Variants in PRH1 observed in about 807,000 individuals in gnomAD.
PRH1 encodes salivary acidic proline-rich phosphoprotein 1/2.
In PRH1, 7 loss-of-function variants were observed where a neutral mutation model predicts 7.9. The observed-to-expected ratio is 0.89, with a 90% CI of 0.50 to 1.67. The LOEUF is 1.67. Among genes scored for constraint, PRH1 ranks in the 40% most tolerant of loss-of-function variants. The pLI is 0.00. For missense variants in PRH1, 109 were observed against 223.6 expected (o/e 0.49, Z 3.27); for synonymous variants, 45 against 80.8 (o/e 0.56, Z 2.38).
chr12:11,096,913 C>A (rs141797292), intron 1 of PRH1, among the ~76,000 whole-genome samples: 1 of 113,226 alleles, frequency 8.8e-6, no homozygotes, highest in East Asian at 2.1e-4. Flanking sequence ...TTCTCCTGCC[C>A]CAGCCTCCCA....
intron 1 of PRH1, among the ~76,000 whole-genome samples, chr12:11,070,096 A>G (rs1306352261): frequency 1.3e-4 from 20 of 152,176 alleles, no homozygotes; most frequent in Admixed American, 2.0e-4. Flanking sequence ...GGTGGCCATC[A>G]GCTGATGCCC....
intron 1 of PRH1, among the ~76,000 whole-genome samples, chr12:11,024,670 ATTAT>A (rs1194937733): frequency 6.6e-6 from 1 of 151,494 alleles, no homozygotes; most frequent in African/African-American, 2.4e-5. Context: ...TTTTACTGTA[ATTAT>A]TTATCCATCC....
chr12:11,042,221 C>A (rs752015638), intron 1 of PRH1, among the ~76,000 whole-genome samples: 1 of 151,544 alleles, frequency 6.6e-6, no homozygotes, highest in Non-Finnish European at 1.5e-5. Context: ...CATTGACAAA[C>A]GTTTAGGCAG....
At chr12:10,924,275 C>T (rs960377380) in intron 2 of PRH1, among the ~76,000 whole-genome samples, 2 of 152,186 alleles carry the variant, frequency 1.3e-5, no homozygotes, top group African/African-American at 2.4e-5. Context: ...GCGTGAGACA[C>T]GGAGCCCAGC....
chr12:11,094,812 G>C (rs1421937545), intron 1 of PRH1, among the ~76,000 whole-genome samples: 3 of 115,016 alleles, frequency 2.6e-5, no homozygotes, highest in African/African-American at 8.8e-5. Flanking sequence ...AAACACTCAA[G>C]TAACTATGAT....
At chr12:10,964,674 C>A (rs748044549) in intron 2 of PRH1, 5 of 607,088 alleles carry the variant, frequency 8.2e-6, no homozygotes, top group Non-Finnish European at 1.5e-5. Context: ...GTTTGCAAAG[C>A]TTTTATGTGG....
At chr12:11,059,340 G>C (rs184479658) in intron 1 of PRH1, among the ~76,000 whole-genome samples, 5 of 148,660 alleles carry the variant, frequency 3.4e-5, no homozygotes, top group East Asian at 2.0e-4. Context: ...TTTCACATTT[G>C]TTCCTGTCTC....
chr12:11,050,834 G>A (rs1464894679), upstream of PRH1, among the ~76,000 whole-genome samples: 4 of 152,254 alleles, frequency 2.6e-5, no homozygotes, highest in Non-Finnish European at 4.4e-5. Context: ...TTCCATATTG[G>A]AGTTTCTTGC....
chr12:11,171,097 A>T (rs1592142809), intron 1 of PRH1: 1 of 382,952 alleles, frequency 2.6e-6, no homozygotes, highest in East Asian at 3.7e-5. Flanking sequence ...TATATAACAC[A>T]TCCTATTCCA....
chr12:10,929,168 C>A, intron 2 of PRH1: 1 of 1,482,708 alleles, frequency 6.7e-7, no homozygotes, highest in Non-Finnish European at 9.4e-7. Flanking sequence ...AGGAGGCCCA[C>A]CTGGTAGGGA....
At chr12:10,960,819 T>C (rs1200337073) in intron 2 of PRH1, among the ~76,000 whole-genome samples, 1 of 152,210 alleles carries the variant, frequency 6.6e-6, no homozygotes, top group Non-Finnish European at 1.5e-5. Context: ...AGATGGTGTT[T>C]TTACAGGTCC....
At chr12:11,127,272 C>G (rs200395687) in intron 1 of PRH1, among the ~76,000 whole-genome samples, 1 of 151,888 alleles carries the variant, frequency 6.6e-6, no homozygotes, top group African/African-American at 2.4e-5. Context: ...GCATGCAAAT[C>G]AAGTCATACA....
intron 1 of PRH1, chr12:11,022,033 G>A: frequency 6.2e-7 from 1 of 1,613,890 alleles, no homozygotes; most frequent in East Asian, 2.2e-5. Context: ...TGCTAGAGTA[G>A]TTACAGTCAA....
At chr12:11,153,436 T>C (rs1006404582) in intron 1 of PRH1, among the ~76,000 whole-genome samples, 3 of 152,144 alleles carry the variant, frequency 2.0e-5, no homozygotes, top group African/African-American at 7.2e-5. Flanking sequence ...GTCAGGAAAT[T>C]TGCTAAAAAA....
intron 1 of PRH1, among the ~76,000 whole-genome samples, chr12:11,161,871 C>T (rs1947427350): frequency 6.6e-6 from 1 of 152,062 alleles, no homozygotes; most frequent in African/African-American, 2.4e-5. Flanking sequence ...TTTATACAGA[C>T]ATGAAACATT....
intron 1 of PRH1, among the ~76,000 whole-genome samples, chr12:11,046,379 C>T (rs567767486): frequency 6.6e-6 from 1 of 152,254 alleles, no homozygotes; most frequent in South Asian, 2.1e-4. Flanking sequence ...CCAGACAAAG[C>T]TTTGGATAGT....
intron 1 of PRH1, among the ~76,000 whole-genome samples, chr12:11,087,642 C>T (rs35672518): frequency 2.2e-3 from 229 of 102,030 alleles, no homozygotes; most frequent in East Asian, 4.4e-3. Flanking sequence ...ATATAATAAC[C>T]GCATTCCCTA....
intron 1 of PRH1, among the ~76,000 whole-genome samples, chr12:11,019,527 C>T (rs572985192): frequency 6.6e-6 from 1 of 152,380 alleles, no homozygotes; most frequent in Non-Finnish European, 1.5e-5. Context: ...TTAAAACATT[C>T]ATTTAGAAAG....
rs147486239 is a variant in PRH1, at chr12:11,121,255, C to T, written n.40-75G>A. 1.1e-4 allele frequency: 17 copies of T among 152,306 alleles called. No individual in the cohort carries two copies. The East Asian group carries it at 3.3e-3, about 29-fold the overall frequency. 9.4% of individuals were successfully genotyped at this position (152,306 alleles called of 1,614,324 possible). On this transcript the variant is annotated intron_variant and non_coding_transcript_variant, in intron 1 of 1. Transcript: ENST00000541175. ...AGCTCACTGCCCACCCCCAATAAAA[C>T]ATATCATTAATACGTTTCCTATCAT... is the stretch of plus-strand genomic sequence containing the variant.
Sources: allele counts gnomAD v4.1 joint callset (sites outside exome capture counted in the v4.1 genomes callset), GRCh38; gene constraint gnomAD v4.1.1; transcripts MANE v1.5; gene names NCBI Gene and HGNC (gene_info 2026-07-23, HGNC 2026-07-21).